Variants in SLC7A2 observed in about 807,000 individuals in gnomAD.
SLC7A2 encodes the protein solute carrier family 7 member 2.
A neutral mutation model predicts 58.9 loss-of-function variants in SLC7A2; 48 were observed. The observed-to-expected ratio is 0.82, with a 90% confidence interval of 0.65 to 1.04. SLC7A2 has a LOEUF of 1.04. Among genes scored for constraint, SLC7A2 ranks in the 50% least tolerant of loss-of-function variants. The probability of loss-of-function intolerance (pLI) is 0.00; values close to 1 mark genes in which losing one functional copy is unlikely to be tolerated. For synonymous variants in SLC7A2, 363 were observed against 314.5 expected (o/e 1.15, Z -1.63); for missense variants, 1,029 against 818.8 (o/e 1.26, Z -3.13).
intron 2 of SLC7A2, among the ~76,000 whole-genome samples, chr8:17,516,838 AT>A (rs1800824189): frequency 6.6e-6 from 1 of 152,192 alleles, no homozygotes; most frequent in Non-Finnish European, 1.5e-5. Flanking sequence ...TTCAGGAAAT[AT>A]TTGAGTATCT....
intron 8 of SLC7A2, among the ~76,000 whole-genome samples, chr8:17,556,842 C>G (rs111441518): frequency 1.3e-5 from 2 of 152,256 alleles, no homozygotes; most frequent in African/African-American, 4.8e-5. Flanking sequence ...CTCCTGACCT[C>G]AGGTGATCTG....
At chr8:17,503,094 A>G (rs970864966) in intron 2 of SLC7A2, among the ~76,000 whole-genome samples, 2 of 152,058 alleles carry the variant, frequency 1.3e-5, no homozygotes, top group African/African-American at 2.4e-5. Context: ...TCTGTCACCC[A>G]GGCTGGAGTG....
chr8:17,529,346 T>C (rs954758646), intron 2 of SLC7A2, among the ~76,000 whole-genome samples: 5 of 137,442 alleles, frequency 3.6e-5, no homozygotes, highest in South Asian at 2.3e-4. Flanking sequence ...TAGGGCTCAA[T>C]TGCCAGTCAT....
At chr8:17,529,723 T>A (rs1015182061) in intron 2 of SLC7A2, among the ~76,000 whole-genome samples, 1 of 151,974 alleles carries the variant, frequency 6.6e-6, no homozygotes, top group Non-Finnish European at 1.5e-5. Flanking sequence ...TTAGTAACGA[T>A]GGGGTTTTAC....
At chr8:17,540,712 GGTTT>G (rs1362790953) in intron 2 of SLC7A2, among the ~76,000 whole-genome samples, 7 of 152,050 alleles carry the variant, frequency 4.6e-5, no homozygotes, top group Non-Finnish European at 1.0e-4. Flanking sequence ...TTTCACAGGA[GGTTT>G]GTTTATTGGT....
At position 17,543,313 on chromosome 8, in the gene SLC7A2, C is replaced by A; in HGVS notation, c.-22-5C>A. The A allele has an allele frequency of 6.3e-7, 1 of 1,594,140 alleles. No homozygotes were observed. Among genetic ancestry groups the A allele is most frequent in the Admixed American group, 1.7e-5 (1 of 57,228 alleles). On this transcript the variant is annotated splice_polypyrimidine_tract_variant and splice_region_variant and intron_variant, in intron 2 of 12. Transcript: ENST00000494857. ...TCAGCTTCTAACCTCCTCCCTTCTG[C>A]TCAGGTCGCCTTCGTCAGACGTCAG... is the stretch of plus-strand genomic sequence containing the variant.
At chr8:17,533,926 C>G (rs570400316) in intron 2 of SLC7A2, among the ~76,000 whole-genome samples, 1 of 152,200 alleles carries the variant, frequency 6.6e-6, no homozygotes, top group Admixed American at 6.5e-5. Context: ...CAGCCCACCC[C>G]CTGACAGGCC....
intron 4 of SLC7A2, among the ~76,000 whole-genome samples, chr8:17,547,179 TCA>T (rs1802212292): frequency 6.6e-6 from 1 of 152,208 alleles, no homozygotes; most frequent in African/African-American, 2.4e-5. Flanking sequence ...TTTAATGGAC[TCA>T]CAGTTCCACA....
At position 17,532,229 on chromosome 8, in the gene SLC7A2, CAAAA is replaced by C. The variant is rs534441508; in HGVS notation, c.-22-11062_-22-11059del. Among the ~76,000 whole-genome samples the C allele has an allele frequency of 5.2e-4, 24 of 46,202 alleles. No homozygotes were observed. In the East Asian group the frequency reaches 0.018, roughly 35 times the overall value. The allele number at this position is 46,202 out of a possible 152,430, so 30.3% of individuals were successfully genotyped here. Reference sequence around the variant, plus strand: ...TGGGCAACAGGGCAAGACTCTATCTCAAAAAAAAAAAAAAAAAAAAAAAAAAAAA... The same window carrying C: ...TGGGCAACAGGGCAAGACTCTATCTCAAAAAAAAAAAAAAAAAAAAAAAAA... On this transcript the variant is annotated intron_variant, in intron 2 of 12. Transcript: ENST00000494857.
At chr8:17,518,844 G>T (rs952425795) in intron 2 of SLC7A2, among the ~76,000 whole-genome samples, 5 of 152,098 alleles carry the variant, frequency 3.3e-5, no homozygotes, top group African/African-American at 1.2e-4. Context: ...TTAAACAACA[G>T]ACATTTATTT....
intron 1 of SLC7A2, chr8:17,498,574 C>G (rs1189796199): frequency 1.3e-5 from 2 of 152,204 alleles, no homozygotes; most frequent in South Asian, 2.1e-4. Context: ...TACAAAGTTG[C>G]TAGTTGCCTG....
chr8:17,495,632 CT>C (rs1475063219), upstream of SLC7A2, among the ~76,000 whole-genome samples: 5 of 152,324 alleles, frequency 3.3e-5, no homozygotes, highest in Non-Finnish European at 7.3e-5. Context: ...TCACTGCAAC[CT>C]CCGCCTCCTG....
intron 6 of SLC7A2, among the ~76,000 whole-genome samples, chr8:17,551,183 G>T (rs902925526): frequency 6.6e-6 from 1 of 152,150 alleles, no homozygotes; most frequent in Non-Finnish European, 1.5e-5. Flanking sequence ...TGGTTGGTTG[G>T]TTGGTTTTTT....
At chr8:17,504,677 G>C (rs750965883) in intron 2 of SLC7A2, among the ~76,000 whole-genome samples, 3 of 152,116 alleles carry the variant, frequency 2.0e-5, no homozygotes, top group African/African-American at 7.2e-5. Flanking sequence ...ATTTGGAGAA[G>C]TTAAAGGTCA....
chr8:17,498,151 C>G (rs1025900230), intron 1 of SLC7A2, among the ~76,000 whole-genome samples: 6 of 151,624 alleles, frequency 4.0e-5, no homozygotes, highest in African/African-American at 1.5e-4. Context: ...CTGGCTAAAG[C>G]CTTTAGGTGA....
At chr8:17,504,092 G>A (rs969909346) in intron 2 of SLC7A2, among the ~76,000 whole-genome samples, 2 of 152,210 alleles carry the variant, frequency 1.3e-5, no homozygotes, top group Admixed American at 6.5e-5. Flanking sequence ...GAGGCCTGGC[G>A]TTTTGCATTG....
At chr8:17,540,063 T>A (rs978924316) in intron 2 of SLC7A2, among the ~76,000 whole-genome samples, 14 of 152,206 alleles carry the variant, frequency 9.2e-5, no homozygotes, top group Admixed American at 2.6e-4. Flanking sequence ...CATATATCAG[T>A]GTGTCTCGAC....
At chr8:17,550,183 A>G in intron 5 of SLC7A2, 118 bp from the exon 6 acceptor site, 2 of 907,218 alleles carry the variant, frequency 2.2e-6, no homozygotes, top group Non-Finnish European at 3.4e-6. Context: ...TTTTATGTAT[A>G]TCATCTTCAA....
At chr8:17,527,355 C>G (rs1801261216) in intron 2 of SLC7A2, among the ~76,000 whole-genome samples, 1 of 152,132 alleles carries the variant, frequency 6.6e-6, no homozygotes, top group Admixed American at 6.5e-5. Flanking sequence ...CAAATGTTTA[C>G]TCCTATCCAT....
Sources: gnomAD v4.1 joint callset for allele counts (sites outside exome capture counted in the v4.1 genomes callset) on GRCh38, gnomAD v4.1.1 for gene constraint, MANE v1.5 for transcripts, NCBI Gene and HGNC (gene_info 2026-07-23, HGNC 2026-07-21) for gene names.